Variants in C4orf50 observed in about 807,000 individuals in gnomAD.
C4orf50 encodes the protein uncharacterized protein C4orf50.
In C4orf50, 80 loss-of-function variants were observed where a neutral mutation model predicts 77.2. The observed-to-expected ratio is 1.04, with a 90% CI of 0.87 to 1.25. C4orf50 has a LOEUF of 1.25. Among genes scored for constraint, C4orf50 ranks in the 50% most tolerant of loss-of-function variants. The pLI is 0.00. For missense variants in C4orf50, 1,257 were observed against 1,152.9 expected, an observed-to-expected ratio of 1.09 and a Z score of -1.31; for synonymous variants, 532 against 465.3, an observed-to-expected ratio of 1.14 and a Z score of -1.84.
rs772762712 is a variant in C4orf50, at chr4:5,916,921, C to T, written c.*2475-18733G>A. On this transcript the variant is annotated intron_variant, in intron 7 of 7. Coordinates refer to the C4orf50 transcript ENST00000324058. This position sits in a 1 kb window ranked among gnomAD's most constrained non-coding sequence, Gnocchi z 4.4. Reference sequence around the variant, plus strand: ...GGGACAGTGCCATCGGGCCCAAACACATCACTATGTGGACTGAAGAGGGTG... The same window carrying T: ...GGGACAGTGCCATCGGGCCCAAACATATCACTATGTGGACTGAAGAGGGTG... Among the ~76,000 whole-genome samples the T allele has an allele frequency of 5.0e-4, 76 of 152,152 alleles. No individual in the cohort carries two copies. Among genetic ancestry groups the T allele is most frequent in the Non-Finnish European group, 9.3e-4 (63 of 68,022 alleles).
At chr4:5,976,056 C>T in intron 29 of C4orf50, 101 bp from the exon 8 acceptor site, 2 of 872,046 alleles carry the variant, frequency 2.3e-6, no homozygotes, top group Non-Finnish European at 1.9e-6. Context: ...CAGTTGCCTG[C>T]CCTCTTTACC....
intron 25 of C4orf50, among the ~76,000 whole-genome samples, chr4:5,997,198 A>G (rs1343900438): frequency 6.6e-6 from 1 of 152,214 alleles, no homozygotes; most frequent in East Asian, 1.9e-4. Context: ...CGCAGAAGGT[A>G]GAAATGGTTA....
At position 5,959,570 on chromosome 4, in the gene C4orf50, A is replaced by G. The variant is rs757157802; in HGVS notation, c.4332T>C (p.Thr1444=). 6 of 1,614,050 alleles carry G rather than the reference A, an allele frequency of 3.7e-6. No homozygotes were observed. In the South Asian group the frequency reaches 6.6e-5, roughly 18 times the overall value. ...GTTGTGCGGGGAGACCTGGTTCCAC[A>G]GTGACCGCTGCCAGGCACGTTCCAG... Residue 1444 remains threonine, a synonymous_variant, in exon 34 of 34, where the codon ACT becomes ACC. Transcript: ENST00000531445.
chr4:5,950,553 C>T (rs559169087), intron 7 of C4orf50, among the ~76,000 whole-genome samples: 174 of 152,250 alleles, frequency 1.1e-3, no homozygotes, highest in Non-Finnish European at 2.0e-3. Context: ...TTCTTTTACT[C>T]GCTGAGTTCT....
At chr4:5,925,130 G>A (rs1324669562) in intron 7 of C4orf50, among the ~76,000 whole-genome samples, 2 of 152,122 alleles carry the variant, frequency 1.3e-5, no homozygotes, top group African/African-American at 4.8e-5. Context: ...GGGAGGGAGA[G>A]GCCAGCAGAG....
rs6843966 is a variant in C4orf50 at position 6,018,016 on chromosome 4, G to C, written c.287+129C>G. On this transcript the variant is annotated intron_variant, in intron 23 of 33. Transcript: ENST00000531445. The surrounding 1 kb of genome is among the most constrained non-coding windows in gnomAD (Gnocchi z 5.1). ...GAGCAGAAGGCAAGTGACTGCGTGG[G>C]CAGGTTACGTGTCTTTGGTGAGCCA... 0.54 allele frequency: 215,015 copies of C among 396,650 alleles called. 58,748 individuals are homozygous for C. The highest frequency in any genetic ancestry group is 0.6 in the Admixed American group (13,583 of 22,642). 24.6% of individuals were successfully genotyped at this position (396,650 alleles called of 1,614,324 possible).
rs1347684750 is a variant in C4orf50, at chr4:5,916,508, T to C, written c.*2475-18320A>G. Among the ~76,000 whole-genome samples the C allele has an allele frequency of 1.3e-5, 2 of 152,158 alleles. No homozygotes were observed. The highest frequency in any genetic ancestry group is 2.9e-5 in the Non-Finnish European group (2 of 68,026). On this transcript the variant is annotated intron_variant, in intron 7 of 7. Transcript: ENST00000324058. This position sits in a 1 kb window ranked among gnomAD's most constrained non-coding sequence, Gnocchi z 4.4. ...CCCCAGGACACAGAGGAGAACCAGGTTGCCTTCAGGGCAGGGTGACTCACC... is the reference window on the plus strand; with the variant it reads ...CCCCAGGACACAGAGGAGAACCAGGCTGCCTTCAGGGCAGGGTGACTCACC...
At chr4:5,981,177 A>G (rs1476182130) in intron 28 of C4orf50, among the ~76,000 whole-genome samples, 2 of 152,110 alleles carry the variant, frequency 1.3e-5, no homozygotes, top group African/African-American at 2.4e-5. Flanking sequence ...TTCTCCCTTA[A>G]CACCGTGTTC....
chr4:5,922,420 C>T (rs56266129), intron 7 of C4orf50, among the ~76,000 whole-genome samples: 2,544 of 152,340 alleles, frequency 0.017, 26 homozygotes, highest in Non-Finnish European at 0.027. Context: ...AGTCAGCTTT[C>T]ACTGACTTGG....
chr4:5,950,454 A>C (rs569664877), intron 7 of C4orf50, among the ~76,000 whole-genome samples: 1 of 152,244 alleles, frequency 6.6e-6, no homozygotes, highest in Non-Finnish European at 1.5e-5. Context: ...GCTGATGACT[A>C]CGTGAGGTTC....
At chr4:6,012,969 C>T (rs746887741) in intron 23 of C4orf50, among the ~76,000 whole-genome samples, 1 of 152,220 alleles carries the variant, frequency 6.6e-6, no homozygotes, top group African/African-American at 2.4e-5. Context: ...GGCACCTGCA[C>T]ATCCAGGACA....
At chr4:5,967,027 G>A (rs182410633) in intron 32 of C4orf50, among the ~76,000 whole-genome samples, 1 of 152,296 alleles carries the variant, frequency 6.6e-6, no homozygotes, top group East Asian at 1.9e-4. Flanking sequence ...CCATTTTAAT[G>A]ACCATGTTGT....
chr4:5,898,523 C>G (rs2152479215), intron 7 of C4orf50: 1 of 152,376 alleles, frequency 6.6e-6, no homozygotes. Context: ...TAGTCGGCAG[C>G]AGAGCCGTCG....
At chr4:5,934,812 A>T (rs17751130) in intron 7 of C4orf50, among the ~76,000 whole-genome samples, 64,370 of 152,190 alleles carry the variant, frequency 0.42, 15,415 homozygotes, top group Non-Finnish European at 0.54. Context: ...TGTACTCACT[A>T]TCATGGGCCA....
chr4:5,963,937 T>G (rs1303279098), intron 33 of C4orf50, among the ~76,000 whole-genome samples: 1 of 152,196 alleles, frequency 6.6e-6, no homozygotes, highest in Non-Finnish European at 1.5e-5. Context: ...AAGTTTTCTC[T>G]GGGAAGACAG....
intron 29 of C4orf50, 98 bp downstream of exon 7, chr4:5,980,076 G>A: frequency 2.1e-6 from 2 of 965,674 alleles, no homozygotes; most frequent in Non-Finnish European, 3.0e-6. Flanking sequence ...CCAACTGGCT[G>A]GGTCAAGAAG....
chr4:5,964,259 C>T (rs1719429144), intron 33 of C4orf50, among the ~76,000 whole-genome samples: 1 of 152,134 alleles, frequency 6.6e-6, no homozygotes, highest in Admixed American at 6.5e-5. Flanking sequence ...GGAAAGGGCT[C>T]TCAAATACTC....
At position 5,977,358 on chromosome 4, in the gene C4orf50, G is replaced by A. The variant is rs182551698; in HGVS notation, c.3865-1403C>T. 5.6e-3 allele frequency among the ~76,000 whole-genome samples: 848 copies of A among 152,192 alleles called. 3 individuals are homozygous for A. Among genetic ancestry groups the A allele is most frequent in the Middle Eastern group, 0.014 (4 of 294 alleles). ...CCTCTTCCTCACCCCCAAACTCTTCGGACCAACATACCTATATGGATCAGA... is the reference window on the plus strand; with the variant it reads ...CCTCTTCCTCACCCCCAAACTCTTCAGACCAACATACCTATATGGATCAGA... On this transcript the variant is annotated intron_variant, in intron 29 of 33. Transcript: ENST00000531445.
chr4:6,004,012 TGTGATGGTGATAATGTGATAGTGATGATG>T (rs1560598285), intron 25 of C4orf50, among the ~76,000 whole-genome samples: 11 of 130,054 alleles, frequency 8.5e-5, no homozygotes, highest in Admixed American at 5.0e-4. Context: ...ATGGTGATGA[TGTGATGGTGATAATGTGATAGTGATGATG>T]GTGATGGTGA....
Sources: gnomAD v4.1 joint callset for allele counts (sites outside exome capture counted in the v4.1 genomes callset) on GRCh38, gnomAD v4.1.1 for gene constraint, Gnocchi (gnomAD v3.1) non-coding constraint, MANE v1.5 for transcripts, NCBI Gene and HGNC (gene_info 2026-07-23, HGNC 2026-07-21) for gene names.